NBPF14: variants seen among roughly 807,000 people sequenced by gnomAD.
NBPF14 encodes NBPF family member NBPF14.
Under a neutral mutation model 91.2 loss-of-function variants are expected in NBPF14, and 104 were observed. The ratio of observed to expected loss-of-function variants is 1.14; its 90% CI spans 0.97 to 1.34. NBPF14 has a LOEUF of 1.34. Among genes scored for constraint, NBPF14 ranks in the 40% most tolerant of loss-of-function variants. The pLI is 0.00. For synonymous variants in NBPF14, 294 were observed against 303.8 expected (o/e 0.97, Z 0.34); for missense variants, 908 against 783.0 (o/e 1.16, Z -1.91).
intron 5 of NBPF14, among the ~76,000 whole-genome samples, 193 bp downstream of exon 5, chr1:148,591,239 A>G (rs1345663305): frequency 1.3e-5 from 2 of 148,578 alleles, no homozygotes; most frequent in East Asian, 3.9e-4. Flanking sequence ...CCTGTATGGT[A>G]CAGACATGAC....
chr1:148,542,040 T>C (rs1655611180), intron 59 of NBPF14, among the ~76,000 whole-genome samples: 1 of 75,914 alleles, frequency 1.3e-5, no homozygotes, highest in Admixed American at 1.2e-4. Flanking sequence ...GGGTAAAATG[T>C]CCCTATTCTA....
In NBPF14 at chr1:148,534,196, A is replaced by C. The variant is rs1462142729; in HGVS notation, c.8615-227T>G. ...CCCTATTCTAGTAGATCGTTATCCCAATATCATTTGTCCCAAGTTTCTGCA... is the reference window on the plus strand; with the variant it reads ...CCCTATTCTAGTAGATCGTTATCCCCATATCATTTGTCCCAAGTTTCTGCA... On this transcript the variant is annotated intron_variant, in intron 69 of 70. Transcript: ENST00000619423. Among the ~76,000 whole-genome samples, 36 of 150,470 alleles carry C rather than the reference A, an allele frequency of 2.4e-4. No homozygotes were observed. In the South Asian group the frequency reaches 6.9e-3, roughly 29 times the overall value.
Position 148,533,943 on chromosome 1 carries a change from T to A in NBPF14, c.8641A>T (p.Lys2881Ter). 2.7e-6 allele frequency: 2 copies of A among 734,632 alleles called. No homozygotes were observed. The highest frequency in any genetic ancestry group is 4.9e-6 in the Non-Finnish European group (2 of 404,258). 45.5% of individuals were successfully genotyped at this position (734,632 alleles called of 1,614,324 possible). The change falls in exon 70 of 71, where the codon AAA (lysine) becomes TAA (stop). Residue 2881 changes from lysine (K) to a stop codon, truncating the protein, a stop_gained. Coordinates refer to ENST00000619423, the Ensembl canonical transcript of NBPF14. LOFTEE classifies it high-confidence loss of function. The stretch of plus-strand genomic sequence containing the variant: ...TTCTTTGATCTTCTTCCCCTTCTTT[T>A]TTTCCCCTTCCCCTTCTTTTCAATT...
intron 20 of NBPF14, 62 bp from the exon 21 acceptor site, chr1:148,572,677 C>G (rs1659281915): frequency 1.5e-6 from 1 of 676,410 alleles, no homozygotes; most frequent in South Asian, 1.5e-5. Context: ...ACAGCCCCAG[C>G]TAGATTTCAT....
intron 69 of NBPF14, among the ~76,000 whole-genome samples, 155 bp downstream of exon 69, chr1:148,534,529 C>A (rs1331919526): frequency 6.6e-6 from 1 of 151,762 alleles, no homozygotes; most frequent in Non-Finnish European, 1.5e-5. Context: ...AGGCTTCCAG[C>A]TGAGACTACA....
At chr1:148,575,999 G>C (rs1198381531) in intron 16 of NBPF14, among the ~76,000 whole-genome samples, 188 bp from the exon 17 acceptor site, 3 of 146,320 alleles carry the variant, frequency 2.1e-5, no homozygotes, top group South Asian at 2.2e-4. Context: ...GAAAGAGAAA[G>C]ACAGGGAGAG....
chr1:148,536,590 CAG>C (rs1655244870), intron 66 of NBPF14, among the ~76,000 whole-genome samples, 194 bp from the exon 67 acceptor site: 1 of 50,506 alleles, frequency 2.0e-5, no homozygotes, highest in African/African-American at 9.7e-5. Flanking sequence ...GAAAGACAGA[CAG>C]AGACAGAGAC....
chr1:148,568,565 TA>T, intron 25 of NBPF14, 32 bp from the exon 26 acceptor site: 1 of 136,992 alleles, frequency 7.3e-6, no homozygotes, highest in Non-Finnish European at 1.4e-5. Context: ...ACAGACATAT[TA>T]AGCTGGTTCT....
intron 68 of NBPF14, among the ~76,000 whole-genome samples, chr1:148,535,249 T>A (rs1160660316): frequency 2.0e-5 from 3 of 150,670 alleles, no homozygotes; most frequent in Non-Finnish European, 2.9e-5. Context: ...TGAGGTATGG[T>A]CAACCTACAG....
In NBPF14 at chr1:148,559,953, C is replaced by A. The variant is rs1262787791; in HGVS notation, c.4569G>T (p.Glu1523Asp). The change falls in exon 37 of 71, where the codon GAG (glutamate) becomes GAT (aspartate). Residue 1523 changes from glutamate to aspartate, a missense_variant. Physicochemically the swap from Glu to Asp is conservative, Grantham distance 45. This residue lies in a region of NBPF14 where 447 missense variants were observed against 189.1 expected (regional missense o/e 2.36). Transcript: ENST00000619423. ...CTTCAGGCCCTTTCTCATGCAGCAG[C>A]TCCCTGCTGAGCCTGGAAAAGTGGA... The A allele has an allele frequency of 1.8e-5, 24 of 1,369,702 alleles. 1 individual carries two copies. Among genetic ancestry groups the A allele is most frequent in the Non-Finnish European group, 1.8e-5 (18 of 994,630 alleles). 84.8% of individuals were successfully genotyped at this position (1,369,702 alleles called of 1,614,324 possible). A position where few individuals can be genotyped will look rare whatever the true frequency, so the allele number is the denominator to read the frequency against.
chr1:148,595,266 C>T lies in NBPF14; in HGVS notation c.175+277G>A, dbSNP rs1215884020. Among the ~76,000 whole-genome samples the T allele has an allele frequency of 1.8e-4, 27 of 147,954 alleles. 1 individual carries two copies. The highest frequency in any genetic ancestry group is 1.8e-3 in the Admixed American group (27 of 14,936). On this transcript the variant is annotated intron_variant, in intron 2 of 70. Coordinates refer to ENST00000619423, the Ensembl canonical transcript of NBPF14. The stretch of plus-strand genomic sequence containing the variant: ...AGGATTCTTGAAAACACGATTGAGC[C>T]CCTTGGAGAAAACAGGTCATTCTGT...
chr1:148,539,209 G>C (rs1258552520), intron 63 of NBPF14, among the ~76,000 whole-genome samples: 1 of 92,284 alleles, frequency 1.1e-5, no homozygotes, highest in Admixed American at 9.8e-5. Flanking sequence ...CTGGAGACTA[G>C]GAATAGAGCC....
chr1:148,560,356 TGA>T (rs1657617054), intron 36 of NBPF14, among the ~76,000 whole-genome samples: 3 of 133,944 alleles, frequency 2.2e-5, no homozygotes, highest in Admixed American at 7.2e-5. Context: ...GCAGTGGCCA[TGA>T]GAGTACAGCT....
chr1:148,559,547 ATGT>A (rs1657270465), intron 37 of NBPF14, among the ~76,000 whole-genome samples: 2 of 121,488 alleles, frequency 1.6e-5, no homozygotes, highest in Non-Finnish European at 1.6e-5. Flanking sequence ...CCCAGGTCCA[ATGT>A]CATGAGAGTA....
chr1:148,560,127 C>A (rs1412603557), intron 36 of NBPF14, among the ~76,000 whole-genome samples, 162 bp from the exon 37 acceptor site: 1 of 150,542 alleles, frequency 6.6e-6, no homozygotes, highest in African/African-American at 2.5e-5. Flanking sequence ...TAGAACAGGG[C>A]CAGGTAGAAA....
chr1:148,593,134 G>A lies in NBPF14; in HGVS notation c.279-368C>T, dbSNP rs1454177823. 6.1e-5 allele frequency among the ~76,000 whole-genome samples: 9 copies of A among 147,770 alleles called. 1 individual carries two copies. The highest frequency in any genetic ancestry group is 4.4e-4 in the South Asian group (2 of 4,520). On this transcript the variant is annotated intron_variant, in intron 3 of 70. Coordinates refer to ENST00000619423, the Ensembl canonical transcript of NBPF14. ...TTGCGGCCACTACATACAAAGCCAC[G>A]TACAGAAATGAGGCCAGGTGCAGAT...
chr1:148,566,594 C>G lies in NBPF14; in HGVS notation c.3543-279G>C, dbSNP rs1404693924. ...CTCAGTGAATTGTCCAGGTGACACA[C>G]TGATGAGGGAGTAACAGGACACTCT... is the stretch of plus-strand genomic sequence containing the variant. On this transcript the variant is annotated intron_variant, in intron 28 of 70. Transcript: ENST00000619423. Among the ~76,000 whole-genome samples the G allele has an allele frequency of 3.5e-5, 5 of 142,462 alleles. No individual in the cohort carries two copies. In the East Asian group the frequency reaches 6.7e-4, roughly 19 times the overall value. 93.5% of individuals were successfully genotyped at this position (142,462 alleles called of 152,430 possible). A position where few individuals can be genotyped will look rare whatever the true frequency, so the allele number is the denominator to read the frequency against.
intron 14 of NBPF14, among the ~76,000 whole-genome samples, chr1:148,577,719 A>G (rs1458087132): frequency 7.0e-6 from 1 of 143,818 alleles, no homozygotes; most frequent in African/African-American, 2.7e-5. Flanking sequence ...TTTGCATAAA[A>G]TGTGCTCAAG....
exon 4 of NBPF14, chr1:148,592,664 G>C (rs1203726529): frequency 1.3e-6 from 2 of 1,588,432 alleles, no homozygotes. Flanking sequence ...GGAGGGCCTG[G>C]AGATGCTCAT....
Sources: allele counts gnomAD v4.1 joint callset (sites outside exome capture counted in the v4.1 genomes callset), GRCh38; gene constraint gnomAD v4.1.1; regional missense constraint gnomAD v4.1.1; transcripts MANE v1.5; gene names NCBI Gene and HGNC (gene_info 2026-07-23, HGNC 2026-07-21).